The following STK3 variants were observed in gnomAD, a reference collection of about 807,000 sequenced individuals.
STK3 encodes serine/threonine-protein kinase 3.
A neutral mutation model predicts 58.0 loss-of-function variants in STK3; 41 were observed. That is an observed-to-expected ratio of 0.71 (90% CI 0.55 to 0.92). STK3 has a LOEUF of 0.92. Ranked by LOEUF, STK3 falls within the 40% of genes least tolerant of loss-of-function variation. The probability of loss-of-function intolerance (pLI) is 0.00; values close to 1 mark genes in which losing one functional copy is unlikely to be tolerated. For missense variants in STK3, 479 were observed against 602.7 expected, an observed-to-expected ratio of 0.79 and a Z score of 2.15; for synonymous variants, 170 against 191.0, an observed-to-expected ratio of 0.89 and a Z score of 0.91.
rs749356601 is a variant in STK3 at position 98,878,292 on chromosome 8, A to T, written c.110+5355T>A. Among the ~76,000 whole-genome samples, 17 of 152,184 alleles carry T rather than the reference A, an allele frequency of 1.1e-4. 1 individual carries two copies. In the South Asian group the frequency reaches 2.9e-3, roughly 26 times the overall value. ...GGTCTCGAACTCCTGGCCTCAAGTG[A>T]TCCACCCGCCTCTGCCTCCTGTCAG... On this transcript the variant is annotated intron_variant, in intron 3 of 12. Coordinates refer to the STK3 transcript ENST00000523601.
intron 6 of STK3, among the ~76,000 whole-genome samples, chr8:98,618,111 C>T (rs1366212291): frequency 2.0e-5 from 3 of 151,672 alleles, no homozygotes; most frequent in Non-Finnish European, 2.9e-5. Context: ...AAAGCTTATC[C>T]ACCATGATCA....
At chr8:98,656,229 G>T (rs539218273) in intron 6 of STK3, among the ~76,000 whole-genome samples, 4 of 151,732 alleles carry the variant, frequency 2.6e-5, no homozygotes, top group African/African-American at 4.8e-5. Flanking sequence ...GTAAACTATC[G>T]CAAGGACAAA....
intron 6 of STK3, among the ~76,000 whole-genome samples, chr8:98,699,714 C>T (rs1333776291): frequency 6.6e-6 from 1 of 152,300 alleles, no homozygotes; most frequent in Non-Finnish European, 1.5e-5. Context: ...TCTGATCGTT[C>T]CTCTGGAAGT....
intron 1 of STK3, among the ~76,000 whole-genome samples, chr8:98,899,418 G>A (rs773501367): frequency 2.6e-5 from 4 of 152,114 alleles, no homozygotes; most frequent in Non-Finnish European, 4.4e-5. Flanking sequence ...GAAAAAAATT[G>A]TATCTATACT....
At chr8:98,887,766 A>G (rs1367967876) in intron 1 of STK3, among the ~76,000 whole-genome samples, 1 of 152,226 alleles carries the variant, frequency 6.6e-6, no homozygotes, top group Non-Finnish European at 1.5e-5. Context: ...ACCCCAGAGC[A>G]AGGAGCAGTC....
At chr8:98,929,582 G>A (rs759527679) in intron 1 of STK3, among the ~76,000 whole-genome samples, 3 of 152,116 alleles carry the variant, frequency 2.0e-5, no homozygotes, top group Non-Finnish European at 2.9e-5. Flanking sequence ...ACCAGGAGGT[G>A]GAGGTTGCAG....
intron 1 of STK3, among the ~76,000 whole-genome samples, chr8:98,797,435 T>C (rs1276984855): frequency 6.6e-6 from 1 of 152,146 alleles, no homozygotes; most frequent in Non-Finnish European, 1.5e-5. Flanking sequence ...CCTCCCCAGT[T>C]TGAGCTTAGA....
In STK3 at chr8:98,429,067, C is replaced by T. The variant is rs765435145; in HGVS notation, n.483+5060G>A. 1.9e-6 allele frequency: 3 copies of T among 1,613,070 alleles called. No homozygotes were observed. The East Asian group carries it at 6.7e-5, about 36-fold the overall frequency. On this transcript the variant is annotated intron_variant and non_coding_transcript_variant, in intron 3 of 3. Coordinates refer to the STK3 transcript ENST00000517832. ...AACGAGGGCCTGGCCACCATCCCTG[C>T]CTGCTGGTGGTGGGCTACCGTCAGT...
intron 3 of STK3, among the ~76,000 whole-genome samples, chr8:98,856,768 A>G (rs1836700956): frequency 6.6e-6 from 1 of 152,346 alleles, no homozygotes; most frequent in African/African-American, 2.4e-5. Flanking sequence ...TGTTTGTAGC[A>G]GCATTATTAT....
chr8:98,470,315 CAG>C (rs1279573421), intron 10 of STK3, among the ~76,000 whole-genome samples: 1 of 152,218 alleles, frequency 6.6e-6, no homozygotes, highest in African/African-American at 2.4e-5. Flanking sequence ...CCTCCTGCTA[CAG>C]TTCTCTTAAC....
intron 3 of STK3, chr8:98,432,131 A>G (rs1586559221): frequency 6.1e-6 from 1 of 163,462 alleles, no homozygotes; most frequent in South Asian, 2.1e-4. Flanking sequence ...GCTAGATAAC[A>G]TCTAACCAGC....
At chr8:98,934,917 AAAAATAAAATAAAAT>A (rs554783265) in intron 1 of STK3, among the ~76,000 whole-genome samples, 4 of 149,946 alleles carry the variant, frequency 2.7e-5, no homozygotes, top group Admixed American at 2.0e-4. Context: ...ACGCCGTCTC[AAAAATAAAATAAAAT>A]AAAATAAAAT....
At chr8:98,726,720 C>T (rs1827822552) in intron 4 of STK3, among the ~76,000 whole-genome samples, 1 of 152,122 alleles carries the variant, frequency 6.6e-6, no homozygotes, top group African/African-American at 2.4e-5. Context: ...CCATCCTGGA[C>T]TAAAGAGAAC....
intron 8 of STK3, among the ~76,000 whole-genome samples, chr8:98,566,137 T>C (rs1454948093): frequency 6.6e-6 from 1 of 152,192 alleles, no homozygotes; most frequent in Non-Finnish European, 1.5e-5. Context: ...ATAATAGGTA[T>C]AAAAATCAAA....
downstream of STK3, among the ~76,000 whole-genome samples, chr8:98,370,498 A>G (rs1817600521): frequency 6.6e-6 from 1 of 152,050 alleles, no homozygotes; most frequent in South Asian, 2.1e-4. Flanking sequence ...AAGCCGAAAT[A>G]TGCTAGAGAG....
At chr8:98,733,545 C>T (rs187744234) in intron 4 of STK3, among the ~76,000 whole-genome samples, 3 of 152,344 alleles carry the variant, frequency 2.0e-5, no homozygotes, top group Admixed American at 1.3e-4. Flanking sequence ...CACCCCCATC[C>T]GTAGAAAAAT....
At chr8:98,678,053 T>C (rs1214662382) in intron 6 of STK3, among the ~76,000 whole-genome samples, 2 of 152,218 alleles carry the variant, frequency 1.3e-5, no homozygotes, top group Non-Finnish European at 2.9e-5. Flanking sequence ...TGTTTTCTTT[T>C]CAAAATGATT....
chr8:98,537,306 A>T (rs755731160), intron 9 of STK3, among the ~76,000 whole-genome samples: 1 of 152,240 alleles, frequency 6.6e-6, no homozygotes, highest in African/African-American at 2.4e-5. Flanking sequence ...AACAATTTTT[A>T]AAAAATTTTA....
chr8:98,741,767 G>C (rs867401261), intron 4 of STK3, among the ~76,000 whole-genome samples: 5 of 151,916 alleles, frequency 3.3e-5, no homozygotes, highest in Middle Eastern at 3.4e-3. Flanking sequence ...GAAGGAAATA[G>C]AGACACAAAA....
Sources: gnomAD v4.1 joint callset for allele counts (sites outside exome capture counted in the v4.1 genomes callset) on GRCh38, gnomAD v4.1.1 for gene constraint, MANE v1.5 for transcripts, NCBI Gene and HGNC (gene_info 2026-07-23, HGNC 2026-07-21) for gene names.